Variants in TNFRSF18 observed in about 807,000 individuals in gnomAD.
The protein encoded by TNFRSF18 is TNF receptor superfamily member 18.
TNFRSF18 carries 36 observed loss-of-function variants against 30.2 expected under a neutral mutation model. The ratio of observed to expected loss-of-function variants is 1.19; its 90% CI spans 0.91 to 1.58. The LOEUF (loss-of-function observed/expected upper bound fraction) is 1.58. TNFRSF18 is among the 40% of genes most tolerant of loss of function. The pLI is 0.00. For synonymous variants in TNFRSF18, 173 were observed against 158.3 expected (o/e 1.09, Z -0.70); for missense variants, 369 against 345.4 (o/e 1.07, Z -0.54).
chr1:1,204,613 C>T (rs1369648501), intron 2 of TNFRSF18, 127 bp from the exon 3 acceptor site: 2 of 720,888 alleles, frequency 2.8e-6, no homozygotes, highest in Non-Finnish European at 4.9e-6. Flanking sequence ...CCCCCCCCAT[C>T]ATCCATTCAA....
rs1467912059 is a variant in TNFRSF18, at chr1:1,206,404, G to A, written c.168C>T (p.Arg56=). 62 of 1,547,256 alleles carry A rather than the reference G, an allele frequency of 4.0e-5. No homozygotes were observed. The highest frequency in any genetic ancestry group is 4.7e-5 in the Non-Finnish European group (54 of 1,146,290). ...DARCCRVHTT[R]CCRDYPGEEC... is the part of the protein sequence containing the mutation. ...ACTTACCCGGGTAATCGCGGCAGCA[G>A]CGCGTCGTGTGAACCCGGCAGCAGC... Residue 56 remains arginine, a synonymous_variant, in exon 1 of 5, where the codon CGC becomes CGT. Transcript: ENST00000379268.
intron 1 of TNFRSF18, chr1:1,205,768 C>G (rs1296666536): frequency 2.1e-6 from 1 of 465,826 alleles, no homozygotes; most frequent in East Asian, 4.2e-5. Context: ...CCCTGCAGGA[C>G]CCAGGGGTGG....
At position 1,204,506 on chromosome 1, in the gene TNFRSF18, GA is replaced by G; in HGVS notation, c.311-21del. ...ATTTCCCTGGTGTGGGGTGTGGGGG[GA>G]GGGAGGGAGGGAGGCTGGTGGAGTT... is the stretch of plus-strand genomic sequence containing the variant. On this transcript the variant is annotated intron_variant, in intron 2 of 4. Transcript: ENST00000379268. The G allele has an allele frequency of 1.8e-6, 2 of 1,087,816 alleles. No homozygotes were observed. The highest frequency in any genetic ancestry group is 2.8e-6 in the Non-Finnish European group (2 of 717,874). 67.4% of individuals were successfully genotyped at this position (1,087,816 alleles called of 1,614,324 possible).
At chr1:1,204,260 C>A (rs780989921) in intron 3 of TNFRSF18, 24 bp from the exon 4 acceptor site, 1 of 1,602,286 alleles carries the variant, frequency 6.2e-7, no homozygotes, top group Non-Finnish European at 8.5e-7. Flanking sequence ...ACGCGGCCTC[C>A]TATCAGCCCC....
intron 1 of TNFRSF18, 40 bp downstream of exon 1, chr1:1,206,345 G>A (rs754216563): frequency 4.0e-5 from 62 of 1,538,496 alleles, no homozygotes; most frequent in Middle Eastern, 4.6e-4. Flanking sequence ...TCCGCGGGAC[G>A]CCTTGGCCGG....
chr1:1,203,860 C>T lies in TNFRSF18; in HGVS notation c.710G>A (p.Gly237Glu), dbSNP rs756672746. The part of the protein sequence containing the change: ...ERSAEEKGRL[G>E]DLWV Reference sequence around the variant, plus strand: ...CGGCCAGGCTCACACCCACAGGTCTCCCAGCCGCCCCTTCTCCTCTGCCGA... The same window carrying T: ...CGGCCAGGCTCACACCCACAGGTCTTCCAGCCGCCCCTTCTCCTCTGCCGA... The change falls in exon 5 of 5, where the codon GGA becomes GAA. Residue 237 changes from glycine to glutamate, a missense_variant. Transcript: ENST00000379268. The T allele has an allele frequency of 1.9e-5, 30 of 1,595,904 alleles. No homozygotes were observed. The highest frequency in any genetic ancestry group is 1.7e-4 in the Middle Eastern group (1 of 6,048).
intron 1 of TNFRSF18, among the ~76,000 whole-genome samples, chr1:1,205,845 GC>G (rs1214199144): frequency 6.6e-6 from 1 of 152,194 alleles, no homozygotes; most frequent in Non-Finnish European, 1.5e-5. Flanking sequence ...TGGTGTCTGG[GC>G]GCTGCTGTCC....
chr1:1,204,276 A>G (rs1648698231), intron 3 of TNFRSF18, 40 bp from the exon 4 acceptor site: 1 of 1,595,646 alleles, frequency 6.3e-7, no homozygotes. Flanking sequence ...GCCCCCGGAC[A>G]CGGCCTCCGA....
Position 1,206,391 on chromosome 1 carries a change from A to G in TNFRSF18, c.181T>C (p.Tyr61His), listed in dbSNP as rs1191468626. ...GTAAACGCGGTTTACTTACCCGGGTAATCGCGGCAGCAGCGCGTCGTGTGA... is the reference window on the plus strand; with the variant it reads ...GTAAACGCGGTTTACTTACCCGGGTGATCGCGGCAGCAGCGCGTCGTGTGA... ...RVHTTRCCRD[Y>H]PGEECCSEWD... The change falls in exon 1 of 5, where the codon TAC (tyrosine) becomes CAC (histidine). Residue 61 changes from tyrosine (Y) to histidine (H), a missense_variant. Tyr to His is a moderately conservative substitution (Grantham distance 83). Transcript: ENST00000379268. 2 of 1,546,972 alleles carry G rather than the reference A, an allele frequency of 1.3e-6. No homozygotes were observed. The highest frequency in any genetic ancestry group is 1.4e-5 in the African/African-American group (1 of 72,808).
intron 1 of TNFRSF18, among the ~76,000 whole-genome samples, chr1:1,206,038 G>A (rs1648807956): frequency 6.6e-6 from 1 of 152,148 alleles, no homozygotes; most frequent in African/African-American, 2.4e-5. Context: ...GTGCAGGGGG[G>A]CCCTCAACTG....
chr1:1,203,575 GAC>G lies in TNFRSF18; in HGVS notation c.*267_*268del, dbSNP rs1390330626. The G allele has an allele frequency of 6.7e-7, 1 of 1,496,072 alleles. No homozygotes were observed. The highest frequency in any genetic ancestry group is 1.3e-5 in the South Asian group (1 of 74,182). The allele number at this position is 1,496,072 out of a possible 1,614,324, so 92.7% of individuals were successfully genotyped here. ...CCGTGCTGGGCACTGCACACCCACG[GAC>G]ACAGCCTCCCGTCCTAAGACCCCAC... On this transcript the variant is annotated 3_prime_UTR_variant, in exon 5 of 5. Coordinates refer to ENST00000379268, the MANE Select transcript of TNFRSF18 (RefSeq NM_004195.3).
intron 1 of TNFRSF18, 88 bp downstream of exon 1, chr1:1,206,297 T>A (rs571484392): frequency 6.9e-7 from 1 of 1,447,778 alleles, no homozygotes; most frequent in African/African-American, 1.4e-5. Flanking sequence ...GCAACGCCGG[T>A]CTGAGCACGG....
intron 2 of TNFRSF18, among the ~76,000 whole-genome samples, 183 bp from the exon 3 acceptor site, chr1:1,204,669 C>G (rs970821754): frequency 1.4e-4 from 22 of 152,276 alleles, no homozygotes; most frequent in African/African-American, 5.3e-4. Flanking sequence ...CTGCCCGTCC[C>G]AGGTGGGGCG....
At position 1,205,368 on chromosome 1, in the gene TNFRSF18, A is replaced by T; in HGVS notation, c.310+2T>A. ...ACTCCCAGAGGCACCTCCAGGACTTACCCTGGGACTGTACCCCCTGGCCTG... is the reference window on the plus strand; with the variant it reads ...ACTCCCAGAGGCACCTCCAGGACTTTCCCTGGGACTGTACCCCCTGGCCTG... On this transcript the variant is annotated splice_donor_variant, in intron 2 of 4. Coordinates refer to ENST00000379268, the MANE Select transcript of TNFRSF18 (RefSeq NM_004195.3). LOFTEE classifies it high-confidence loss of function. 6.2e-7 allele frequency: 1 copy of T among 1,611,218 alleles called. No homozygotes were observed. Among genetic ancestry groups the T allele is most frequent in the East Asian group, 2.2e-5 (1 of 44,828 alleles).
At chr1:1,204,604 C>A (rs958300820) in intron 2 of TNFRSF18, 118 bp from the exon 3 acceptor site, 4 of 745,692 alleles carry the variant, frequency 5.4e-6, no homozygotes, top group Admixed American at 2.1e-5. Context: ...AGTAGAATGC[C>A]CCCCCCATCA....
chr1:1,205,297 C>G (rs1230275386), intron 2 of TNFRSF18, 73 bp downstream of exon 2: 4 of 1,558,798 alleles, frequency 2.6e-6, no homozygotes, highest in Non-Finnish European at 3.5e-6. Flanking sequence ...ACACCTGTGC[C>G]CACGAGCTCT....
Position 1,206,429 on chromosome 1 carries a change from C to T in TNFRSF18, c.143G>A (p.Arg48His), listed in dbSNP as rs927547827. Residue 48 changes from arginine to histidine, a missense_variant, in exon 1 of 5, where the codon CGC becomes CAC. Transcript: ENST00000379268. ...GCGCGTCGTGTGAACCCGGCAGCAGCGCGCGTCCGTTCCCGTCCCAAGCAG... is the reference window on the plus strand; with the variant it reads ...GCGCGTCGTGTGAACCCGGCAGCAGTGCGCGTCCGTTCCCGTCCCAAGCAG... ...RLLLGTGTDARCCRVHTTRCC... is the reference protein window; with the variant it reads ...RLLLGTGTDAHCCRVHTTRCC... The T allele has an allele frequency of 1.8e-5, 28 of 1,547,292 alleles. No individual in the cohort carries two copies. The highest frequency in any genetic ancestry group is 4.1e-5 in the African/African-American group (3 of 72,674).
chr1:1,206,387 G>C lies in TNFRSF18; in HGVS notation c.185C>G (p.Pro62Arg). The C allele has an allele frequency of 1.9e-6, 3 of 1,546,886 alleles. No homozygotes were observed. The highest frequency in any genetic ancestry group is 2.0e-5 in the Admixed American group (1 of 50,894). Residue 62 changes from proline to arginine, a missense_variant and splice_region_variant, in exon 1 of 5, where the codon CCG becomes CGG. Pro to Arg is a moderately radical substitution (Grantham distance 103, BLOSUM62 -2). Transcript: ENST00000379268. Reference sequence around the variant, plus strand: ...TTAAGTAAACGCGGTTTACTTACCCGGGTAATCGCGGCAGCAGCGCGTCGT... The same window carrying C: ...TTAAGTAAACGCGGTTTACTTACCCCGGTAATCGCGGCAGCAGCGCGTCGT... ...VHTTRCCRDYPGEECCSEWDC... is the reference protein window; with the variant it reads ...VHTTRCCRDYRGEECCSEWDC...
chr1:1,205,968 G>A lies in TNFRSF18; in HGVS notation c.187+417C>T, dbSNP rs1051253924. On this transcript the variant is annotated intron_variant, in intron 1 of 4. Coordinates refer to ENST00000379268, the MANE Select transcript of TNFRSF18 (RefSeq NM_004195.3). ...TGCCAGCTTCCTCTCCAGACCAGCC[G>A]TGTCAGCTGAACCCTCATCCCCAGG... is the stretch of plus-strand genomic sequence containing the variant. Among the ~76,000 whole-genome samples the A allele has an allele frequency of 5.3e-5, 8 of 152,324 alleles. No individual in the cohort carries two copies. The East Asian group carries it at 7.7e-4, about 15-fold the overall frequency.
Sources: allele counts gnomAD v4.1 joint callset (sites outside exome capture counted in the v4.1 genomes callset), GRCh38; gene constraint gnomAD v4.1.1; transcripts MANE v1.5; gene names NCBI Gene and HGNC (gene_info 2026-07-23, HGNC 2026-07-21).